ARID1B: variants seen among roughly 807,000 people sequenced by gnomAD.
ARID1B encodes AT-rich interactive domain-containing protein 1B.
A neutral mutation model predicts 212.3 loss-of-function variants in ARID1B; 30 were observed. The observed-to-expected ratio is 0.14, with a 90% confidence interval of 0.11 to 0.19. The LOEUF is 0.19. ARID1B is among the 10% of genes least tolerant of loss of function. ARID1B has a pLI of 1.00. For synonymous variants in ARID1B, 1,402 were observed against 1,301.7 expected (o/e 1.08, Z -1.66); for missense variants, 2,891 against 3,204.0 (o/e 0.90, Z 2.36).
At chr6:157,154,425 C>A (rs1301654325) in intron 8 of ARID1B, among the ~76,000 whole-genome samples, 1 of 151,920 alleles carries the variant, frequency 6.6e-6, no homozygotes, top group East Asian at 1.9e-4. Flanking sequence ...GATCTCAGAA[C>A]TGGGAAGGTT....
At chr6:156,993,849 A>AT (rs1778418309) in intron 4 of ARID1B, among the ~76,000 whole-genome samples, 1 of 152,346 alleles carries the variant, frequency 6.6e-6, no homozygotes, top group Non-Finnish European at 1.5e-5. Context: ...AATTTATAAA[A>AT]ATCAAATGGA....
intron 3 of ARID1B, among the ~76,000 whole-genome samples, chr6:156,932,481 G>C (rs992212526): frequency 3.1e-4 from 47 of 152,196 alleles, no homozygotes; most frequent in African/African-American, 1.0e-3. Context: ...GGTGTTCACT[G>C]GCTGCTTAAA....
chr6:156,809,714 A>G (rs72996910), intron 1 of ARID1B, among the ~76,000 whole-genome samples: 12,845 of 53,994 alleles, frequency 0.24, 399 homozygotes, highest in African/African-American at 0.39. Flanking sequence ...TTTTTCAAAG[A>G]AAAAAAAAAA....
At chr6:156,984,151 C>T (rs545641457) in intron 4 of ARID1B, among the ~76,000 whole-genome samples, 2 of 152,140 alleles carry the variant, frequency 1.3e-5, no homozygotes, top group East Asian at 1.9e-4. Flanking sequence ...ATTCGTTGAG[C>T]GTCTCCAGGA....
chr6:156,975,613 CTTTTTTT>C (rs367797338), intron 4 of ARID1B, among the ~76,000 whole-genome samples: 1 of 110,854 alleles, frequency 9.0e-6, no homozygotes, highest in Non-Finnish European at 1.8e-5. Flanking sequence ...TTTTTTTTTT[CTTTTTTT>C]TTTTTTTTTT....
At chr6:157,004,897 C>CTTTTTTGTTGTTT in intron 4 of ARID1B, among the ~76,000 whole-genome samples, 1 of 54,740 alleles carries the variant, frequency 1.8e-5, no homozygotes, top group Non-Finnish European at 3.7e-5. Context: ...CTTCTTTTTT[C>CTTTTTTGTTGTTT]TTTTTTTTTT....
At chr6:156,999,151 T>A (rs1778773396) in intron 4 of ARID1B, among the ~76,000 whole-genome samples, 1 of 152,236 alleles carries the variant, frequency 6.6e-6, no homozygotes, top group African/African-American at 2.4e-5. Context: ...ATGAGTCCTG[T>A]ACTTACGTAT....
intron 1 of ARID1B, among the ~76,000 whole-genome samples, chr6:156,811,158 T>C (rs1205074265): frequency 6.6e-6 from 1 of 152,166 alleles, no homozygotes; most frequent in Non-Finnish European, 1.5e-5. Context: ...GACCCTCTTT[T>C]AAAGGGCTCA....
chr6:157,164,592 G>A (rs982245490), intron 8 of ARID1B: 10 of 152,228 alleles, frequency 6.6e-5, no homozygotes, highest in South Asian at 2.1e-4. Context: ...GAATAAAAAT[G>A]TTCTGTAGTA....
chr6:157,040,379 T>C (rs564829508), intron 4 of ARID1B, among the ~76,000 whole-genome samples: 1 of 152,358 alleles, frequency 6.6e-6, no homozygotes, highest in South Asian at 2.1e-4. Context: ...CATGGCACCC[T>C]CTTGGCAAAT....
intron 5 of ARID1B, among the ~76,000 whole-genome samples, chr6:157,109,248 G>A (rs372778814): frequency 2.6e-5 from 4 of 152,078 alleles, no homozygotes; most frequent in African/African-American, 7.2e-5. Context: ...TGACCTTCAC[G>A]GGGGGCGAAT....
chr6:157,027,739 A>G (rs191445399), intron 4 of ARID1B, among the ~76,000 whole-genome samples: 8 of 152,350 alleles, frequency 5.3e-5, no homozygotes, highest in Admixed American at 4.6e-4. Flanking sequence ...TAAGTTTTAC[A>G]TGCCTCTATC....
intron 2 of ARID1B, among the ~76,000 whole-genome samples, chr6:156,837,506 GT>G (rs113242750): frequency 0.065 from 9,898 of 151,944 alleles, 364 homozygotes; most frequent in Middle Eastern, 0.11. Context: ...TTTTAAAAAG[GT>G]TTTTTTTCTA....
At chr6:157,178,667 A>G (rs1460728729) in intron 11 of ARID1B, among the ~76,000 whole-genome samples, 2 of 152,246 alleles carry the variant, frequency 1.3e-5, no homozygotes, top group African/African-American at 2.4e-5. Flanking sequence ...AAGTATCTTC[A>G]TTTAATTTTT....
chr6:157,166,667 T>C (rs887535600), intron 8 of ARID1B: 4 of 159,166 alleles, frequency 2.5e-5, no homozygotes, highest in African/African-American at 9.6e-5. Flanking sequence ...TGGGTTTTTA[T>C]GTGAGGTTAC....
chr6:156,858,372 G>A (rs1454826196), intron 2 of ARID1B, among the ~76,000 whole-genome samples: 6 of 152,180 alleles, frequency 3.9e-5, no homozygotes, highest in Admixed American at 3.9e-4. Flanking sequence ...TGAAAGATTG[G>A]AACTGGAATG....
At chr6:156,958,579 C>T (rs1239613095) in intron 4 of ARID1B, among the ~76,000 whole-genome samples, 2 of 152,210 alleles carry the variant, frequency 1.3e-5, no homozygotes, top group Admixed American at 1.3e-4. Flanking sequence ...TCAGCAAATA[C>T]ATTTTGTTGC....
chr6:157,168,458 A>G (rs1791489090), intron 9 of ARID1B: 1 of 152,202 alleles, frequency 6.6e-6, no homozygotes, highest in South Asian at 2.1e-4. Flanking sequence ...TTCTTTCCCT[A>G]ATTTCCCTAA....
Position 156,801,196 on chromosome 6 carries a change from CTTTTTTTT to C in ARID1B, c.1791+21740_1791+21747del, listed in dbSNP as rs397887993. 9.4e-5 allele frequency among the ~76,000 whole-genome samples: 10 copies of C among 105,934 alleles called. No homozygotes were observed. In the East Asian group the frequency reaches 1.7e-3, roughly 18 times the overall value. The allele number at this position is 105,934 out of a possible 152,430, so 69.5% of individuals were successfully genotyped here. ...TCAGTAGGGTAGGATCTTGAATAAT[CTTTTTTTT>C]TTTTTTTTTTTTTTGAGGCGGAGTC... On this transcript the variant is annotated intron_variant, in intron 1 of 19. Transcript: ENST00000636930.
Sources: allele counts gnomAD v4.1 joint callset (sites outside exome capture counted in the v4.1 genomes callset), GRCh38; gene constraint gnomAD v4.1.1; transcripts MANE v1.5; gene names NCBI Gene and HGNC (gene_info 2026-07-23, HGNC 2026-07-21).